The following SH3BP5 variants were observed in gnomAD, a reference collection of about 807,000 sequenced individuals.
SH3BP5 encodes the protein SH3 domain binding protein 5.
SH3BP5 carries 22 observed loss-of-function variants against 43.3 expected under a neutral mutation model. That is an observed-to-expected ratio of 0.51 (90% CI 0.36 to 0.73). The LOEUF (loss-of-function observed/expected upper bound fraction) is 0.73, where lower values mean the gene tolerates loss of function less well. Ranked by LOEUF, SH3BP5 falls within the 30% of genes least tolerant of loss-of-function variation. The pLI is 0.00. For synonymous variants in SH3BP5, 255 were observed against 225.8 expected (o/e 1.13, Z -1.16); for missense variants, 529 against 586.9 (o/e 0.90, Z 1.02).
rs770658285 is a variant in SH3BP5 at position 15,256,315 on chromosome 3, C to T, written c.1151-12G>A. On this transcript the variant is annotated splice_polypyrimidine_tract_variant and intron_variant, in intron 8 of 8. Transcript: ENST00000383791. ...TTCTGCCCTGTCTCCTATAGAAATA[C>T]AAGGATTATCAAAAGTGAGTATTGA... 2 of 1,609,670 alleles carry T rather than the reference C, an allele frequency of 1.2e-6. No individual in the cohort carries two copies. The highest frequency in any genetic ancestry group is 8.5e-7 in the Non-Finnish European group (1 of 1,177,792).
chr3:15,332,379 C>T lies in SH3BP5; in HGVS notation c.30G>A (p.Ser10=). The T allele has an allele frequency of 6.5e-7, 1 of 1,538,354 alleles. No homozygotes were observed. ...GCGGCAGGATTTCGGCTGGCTCCTC[C>T]GAGCGGCTCCGCTTCAGTGCCGCGT... MDAALKRSR[S]EEPAEILPPA... The change falls in exon 1 of 9, where the codon TCG becomes TCA. Residue 10 remains serine (S), a synonymous_variant. Transcript: ENST00000383791.
intron 3 of SH3BP5, among the ~76,000 whole-genome samples, chr3:15,301,214 G>C (rs1266542881): frequency 1.3e-5 from 2 of 152,114 alleles, no homozygotes; most frequent in African/African-American, 4.8e-5. Flanking sequence ...GGCTGGATTT[G>C]CCAGTCATGC....
intron 3 of SH3BP5, among the ~76,000 whole-genome samples, chr3:15,294,077 CAAAAAAA>C (rs111324706): frequency 4.2e-5 from 3 of 70,918 alleles, no homozygotes; most frequent in Non-Finnish European, 9.8e-5. Flanking sequence ...GTCTCCATCT[CAAAAAAA>C]AAAAAAAAAA....
At chr3:15,301,201 C>T (rs150035924) in intron 3 of SH3BP5, among the ~76,000 whole-genome samples, 42 of 152,200 alleles carry the variant, frequency 2.8e-4, no homozygotes, top group African/African-American at 8.9e-4. Flanking sequence ...TCAACCCAGA[C>T]GAGGCTGGAT....
At chr3:15,294,322 TGTGTGTGTGC>T (rs1308915196) in intron 3 of SH3BP5, among the ~76,000 whole-genome samples, 13 of 144,194 alleles carry the variant, frequency 9.0e-5, no homozygotes, top group Admixed American at 2.7e-4. Flanking sequence ...TGTGTGTGTG[TGTGTGTGTGC>T]GCGCGCATGT....
intron 7 of SH3BP5, 78 bp downstream of exon 7, chr3:15,258,753 C>T (rs752150954): frequency 2.3e-6 from 3 of 1,321,032 alleles, no homozygotes; most frequent in Non-Finnish European, 3.2e-6. Context: ...CACTGATGGC[C>T]AGAGAAAGTG....
chr3:15,275,355 G>A (rs562680617), intron 3 of SH3BP5, among the ~76,000 whole-genome samples: 2 of 152,340 alleles, frequency 1.3e-5, no homozygotes, highest in East Asian at 3.9e-4. Context: ...CACAATCCCG[G>A]AGAGAGCTGG....
intron 3 of SH3BP5, among the ~76,000 whole-genome samples, chr3:15,291,618 C>T (rs1575316512): frequency 6.6e-6 from 1 of 152,288 alleles, no homozygotes; most frequent in Non-Finnish European, 1.5e-5. Flanking sequence ...GAAAAGTCTA[C>T]CTACAGCCTG....
intron 3 of SH3BP5, among the ~76,000 whole-genome samples, chr3:15,276,376 G>GC (rs771465764): frequency 6.6e-6 from 1 of 152,114 alleles, no homozygotes; most frequent in African/African-American, 2.4e-5. Flanking sequence ...CTGTTTAGTG[G>GC]CCCCCCAGAG....
intron 2 of SH3BP5, among the ~76,000 whole-genome samples, chr3:15,320,650 G>A (rs71308144): frequency 0.082 from 3,781 of 46,388 alleles, 87 homozygotes; most frequent in Non-Finnish European, 0.13. Flanking sequence ...ACCCCACTAC[G>A]TTAAAGTCCC....
intron 2 of SH3BP5, among the ~76,000 whole-genome samples, chr3:15,313,865 G>A (rs1559454288): frequency 6.6e-6 from 1 of 152,134 alleles, no homozygotes; most frequent in Non-Finnish European, 1.5e-5. Flanking sequence ...ACTTTGGGAG[G>A]CCACGGTGGG....
chr3:15,256,646 C>T, intron 8 of SH3BP5: 1 of 622,200 alleles, frequency 1.6e-6, no homozygotes, highest in Non-Finnish European at 2.8e-6. Flanking sequence ...GACCTAAGCT[C>T]TACTTTATAG....
At chr3:15,259,899 C>T (rs1352311374) in intron 5 of SH3BP5, 96 bp from the exon 6 acceptor site, 2 of 1,111,540 alleles carry the variant, frequency 1.8e-6, no homozygotes, top group Non-Finnish European at 2.8e-6. Context: ...TACCACTGGC[C>T]AGGTCGTCCT....
At chr3:15,329,349 T>C (rs555757506) in intron 2 of SH3BP5, among the ~76,000 whole-genome samples, 2 of 152,228 alleles carry the variant, frequency 1.3e-5, no homozygotes, top group South Asian at 4.1e-4. Flanking sequence ...CCTGAGAGGT[T>C]TCAGTTACCC....
In SH3BP5 at chr3:15,257,119, T is replaced by G. The variant is rs1696237454; in HGVS notation, c.890-6A>C. ...TTCAAAGGCCTCCGAGGCCACTAAG[T>G]TGAGAGAGAACACCAGTCACATGGG... On this transcript the variant is annotated splice_region_variant and splice_polypyrimidine_tract_variant and intron_variant, in intron 7 of 8. Transcript: ENST00000383791. 1 of 1,612,174 alleles carries G rather than the reference T, an allele frequency of 6.2e-7. No homozygotes were observed. The highest frequency in any genetic ancestry group is 1.3e-5 in the African/African-American group (1 of 74,858).
intron 3 of SH3BP5, among the ~76,000 whole-genome samples, chr3:15,288,315 C>T (rs553953438): frequency 1.4e-4 from 21 of 152,360 alleles, no homozygotes; most frequent in African/African-American, 4.8e-4. Context: ...CTGGACACTG[C>T]AGCCCAGTCA....
rs373592898 is a variant in SH3BP5, at chr3:15,256,064, A to G, written c.*22T>C. The stretch of plus-strand genomic sequence containing the variant: ...TCCATGTATAAATGTTGATATGCAC[A>G]TCGGCCAGGGCCCAGGATGAATCAG... On this transcript the variant is annotated 3_prime_UTR_variant, in exon 9 of 9. Transcript: ENST00000383791. 5 of 1,579,486 alleles carry G rather than the reference A, an allele frequency of 3.2e-6. No homozygotes were observed. Among genetic ancestry groups the G allele is most frequent in the East Asian group, 2.2e-5 (1 of 44,590 alleles).
At chr3:15,277,717 C>T (rs1697011175) in intron 3 of SH3BP5, among the ~76,000 whole-genome samples, 1 of 152,070 alleles carries the variant, frequency 6.6e-6, no homozygotes, top group Non-Finnish European at 1.5e-5. Flanking sequence ...AGGCCTCCTA[C>T]TGCCTTCCCC....
chr3:15,258,660 AC>A, intron 7 of SH3BP5, 170 bp downstream of exon 7: 3 of 605,512 alleles, frequency 5.0e-6, no homozygotes, highest in Non-Finnish European at 8.8e-6. Context: ...AACACTTAGT[AC>A]CTTCTTAATG....
Sources: gnomAD v4.1 joint callset for allele counts (sites outside exome capture counted in the v4.1 genomes callset) on GRCh38, gnomAD v4.1.1 for gene constraint, MANE v1.5 for transcripts, NCBI Gene and HGNC (gene_info 2026-07-23, HGNC 2026-07-21) for gene names.